EFNA5: variants seen among roughly 807,000 people sequenced by gnomAD.
EFNA5 encodes ephrin-A5.
Under a neutral mutation model 22.9 loss-of-function variants are expected in EFNA5, and 5 were observed. The observed-to-expected ratio is 0.22, with a 90% CI of 0.11 to 0.46. EFNA5 has a LOEUF of 0.46. Ranked by LOEUF, EFNA5 falls within the 20% of genes least tolerant of loss-of-function variation. The probability of loss-of-function intolerance (pLI) is 0.99; values close to 1 mark genes in which losing one functional copy is unlikely to be tolerated. For missense variants in EFNA5, 237 were observed against 293.3 expected (o/e 0.81, Z 1.40); for synonymous variants, 113 against 112.2 (o/e 1.01, Z -0.04).
At chr5:107,524,464 A>G (rs1747655839) in intron 1 of EFNA5, among the ~76,000 whole-genome samples, 1 of 152,246 alleles carries the variant, frequency 6.6e-6, no homozygotes, top group Non-Finnish European at 1.5e-5. Flanking sequence ...AGCTTCAGGT[A>G]GGTGAAAAAC....
At chr5:107,411,680 G>A (rs1748369294) in intron 2 of EFNA5, among the ~76,000 whole-genome samples, 1 of 152,156 alleles carries the variant, frequency 6.6e-6, no homozygotes, top group South Asian at 2.1e-4. Context: ...GTCTCACTTG[G>A]TTGCCCAGGC....
chr5:107,491,305 T>A (rs2112413768), intron 1 of EFNA5, among the ~76,000 whole-genome samples: 1 of 152,254 alleles, frequency 6.6e-6, no homozygotes, highest in Non-Finnish European at 1.5e-5. Flanking sequence ...AGACGGCCCC[T>A]CCCTCCCTCC....
At position 107,553,101 on chromosome 5, in the gene EFNA5, C is replaced by T. The variant is rs77751434; in HGVS notation, c.125+117388G>A. ...TCCTAACCACAAGGCAATACAAATA[C>T]ACCAAGAAAGAAAGAGTGACAGGGA... On this transcript the variant is annotated intron_variant, in intron 1 of 4. Coordinates refer to ENST00000333274, the MANE Select transcript of EFNA5 (RefSeq NM_001962.3). Among the ~76,000 whole-genome samples the T allele has an allele frequency of 2.3e-3, 352 of 152,272 alleles. 4 individuals are homozygous for T. Among genetic ancestry groups the T allele is most frequent in the African/African-American group, 8.3e-3 (344 of 41,554 alleles).
At chr5:107,616,590 G>A (rs894294531) in intron 1 of EFNA5, among the ~76,000 whole-genome samples, 1 of 151,884 alleles carries the variant, frequency 6.6e-6, no homozygotes, top group South Asian at 2.1e-4. Flanking sequence ...AGAGCTGCTC[G>A]TGTGTGTGTG....
intron 1 of EFNA5, among the ~76,000 whole-genome samples, chr5:107,644,581 T>C (rs558370911): frequency 5.2e-4 from 79 of 152,370 alleles, no homozygotes; most frequent in African/African-American, 1.9e-3. Context: ...TATTTTGTCA[T>C]CAAAAAATCT....
rs1747313327 is a variant in EFNA5, at chr5:107,377,972, A to G, written c.*3283T>C. 6.6e-6 allele frequency: 1 copy of G among 152,092 alleles called. No individual in the cohort carries two copies. Among genetic ancestry groups the G allele is most frequent in the African/African-American group, 2.4e-5 (1 of 41,408 alleles). The allele number at this position is 152,092 out of a possible 1,614,324, so 9.4% of individuals were successfully genotyped here. A position where few individuals can be genotyped will look rare whatever the true frequency, so the allele number is the denominator to read the frequency against. The stretch of plus-strand genomic sequence containing the variant: ...GAGTCATAAGATTGGGTGGGCAATG[A>G]CCACACATGAGTCCTGTATGGAGCA... On this transcript the variant is annotated 3_prime_UTR_variant, in exon 5 of 5. Coordinates refer to ENST00000333274, the MANE Select transcript of EFNA5 (RefSeq NM_001962.3).
intron 2 of EFNA5, among the ~76,000 whole-genome samples, chr5:107,402,359 C>A (rs1748108802): frequency 6.6e-6 from 1 of 152,142 alleles, no homozygotes; most frequent in South Asian, 2.1e-4. Context: ...TATGACTATG[C>A]ACAACAAAAT....
chr5:107,594,440 C>T (rs1387188697), intron 1 of EFNA5, among the ~76,000 whole-genome samples: 2 of 152,104 alleles, frequency 1.3e-5, no homozygotes, highest in Non-Finnish European at 2.9e-5. Context: ...AAAACTGAGC[C>T]AGGTCACTGC....
chr5:107,650,875 C>T (rs1409703324), intron 1 of EFNA5, among the ~76,000 whole-genome samples: 5 of 152,156 alleles, frequency 3.3e-5, no homozygotes, highest in Non-Finnish European at 7.4e-5. Flanking sequence ...ATTGTACATA[C>T]ACATGGCCTC....
chr5:107,487,991 G>A (rs1450247653), intron 1 of EFNA5, among the ~76,000 whole-genome samples: 1 of 152,190 alleles, frequency 6.6e-6, no homozygotes, highest in African/African-American at 2.4e-5. Flanking sequence ...TGTGAAAATA[G>A]AAATCTAAGA....
At chr5:107,643,238 G>A (rs1259141743) in intron 1 of EFNA5, among the ~76,000 whole-genome samples, 2 of 152,130 alleles carry the variant, frequency 1.3e-5, no homozygotes, top group Non-Finnish European at 2.9e-5. Context: ...AGGGGTGGGG[G>A]TCCCATCATA....
intron 2 of EFNA5, among the ~76,000 whole-genome samples, chr5:107,406,980 G>A (rs567389167): frequency 2.0e-5 from 3 of 152,144 alleles, no homozygotes; most frequent in South Asian, 2.1e-4. Context: ...TATGAGTTTC[G>A]TGCAATTTAA....
Position 107,474,597 on chromosome 5 carries a change from G to T in EFNA5, c.126-47088C>A, listed in dbSNP as rs114555371. Among the ~76,000 whole-genome samples, 1,168 of 152,172 alleles carry T rather than the reference G, an allele frequency of 7.7e-3. 19 individuals carry two copies. The highest frequency in any genetic ancestry group is 0.027 in the African/African-American group (1,128 of 41,514). On this transcript the variant is annotated intron_variant, in intron 1 of 4. Transcript: ENST00000333274. ...ATTACGAACGAGGAATGGTTTAATT[G>T]CAATTCACCCACCTATAGCATCCTG...
intron 1 of EFNA5, among the ~76,000 whole-genome samples, chr5:107,583,668 C>T (rs898091709): frequency 6.6e-5 from 10 of 152,192 alleles, no homozygotes; most frequent in Admixed American, 1.3e-4. Flanking sequence ...AAAGGATCTA[C>T]ATAATGGGAC....
intron 1 of EFNA5, among the ~76,000 whole-genome samples, chr5:107,461,550 C>T (rs1027476474): frequency 6.6e-6 from 1 of 152,078 alleles, no homozygotes; most frequent in African/African-American, 2.4e-5. Flanking sequence ...GGGAGAAAGA[C>T]TGTGATCTAA....
At chr5:107,471,039 T>A (rs1355204123) in intron 1 of EFNA5, among the ~76,000 whole-genome samples, 1 of 152,192 alleles carries the variant, frequency 6.6e-6, no homozygotes, top group Non-Finnish European at 1.5e-5. Flanking sequence ...TTGTCACTCA[T>A]GCAATTAGTA....
At chr5:107,576,030 G>A (rs1213064898) in intron 1 of EFNA5, among the ~76,000 whole-genome samples, 1 of 152,124 alleles carries the variant, frequency 6.6e-6, no homozygotes, top group Non-Finnish European at 1.5e-5. Flanking sequence ...TAACTTAAAT[G>A]GTTGTATTAA....
intron 1 of EFNA5, among the ~76,000 whole-genome samples, chr5:107,552,611 T>C (rs566011623): frequency 2.0e-5 from 3 of 152,324 alleles, no homozygotes; most frequent in African/African-American, 7.2e-5. Context: ...GTAACTGATA[T>C]GTAAAGTAAC....
intron 1 of EFNA5, among the ~76,000 whole-genome samples, chr5:107,541,294 G>A (rs757313191): frequency 1.4e-4 from 22 of 151,990 alleles, no homozygotes; most frequent in Non-Finnish European, 5.9e-5. Flanking sequence ...TAAGTATACA[G>A]ACAAAATACT....
Sources: gnomAD v4.1 joint callset for allele counts (sites outside exome capture counted in the v4.1 genomes callset) on GRCh38, gnomAD v4.1.1 for gene constraint, MANE v1.5 for transcripts, NCBI Gene and HGNC (gene_info 2026-07-23, HGNC 2026-07-21) for gene names.